Variants in SREBF2 observed in about 807,000 individuals in gnomAD.
SREBF2 encodes sterol regulatory element binding transcription factor 2.
In SREBF2, 55 loss-of-function variants were observed where a neutral mutation model predicts 113.1. The observed-to-expected ratio is 0.49, with a 90% CI of 0.39 to 0.61. SREBF2 has a LOEUF of 0.61. Ranked by LOEUF, SREBF2 falls within the 20% of genes least tolerant of loss-of-function variation. The pLI is 0.00. For synonymous variants in SREBF2, 593 were observed against 605.7 expected (o/e 0.98, Z 0.31); for missense variants, 1,349 against 1,487.4 (o/e 0.91, Z 1.53).
rs1406551200 is a variant in SREBF2, at chr22:41,878,488, G to A, written c.1761+365G>A. The stretch of plus-strand genomic sequence containing the variant: ...TGGCAGGTTCCAGGGTGTGTTGAGT[G>A]TAGGTTATGTCAGAGAGAGTTGAAG... On this transcript the variant is annotated intron_variant, in intron 9 of 18. Coordinates refer to ENST00000361204, the MANE Select transcript of SREBF2 (RefSeq NM_004599.4). Among the ~76,000 whole-genome samples the A allele has an allele frequency of 5.3e-5, 8 of 152,282 alleles. 1 individual carries two copies. In the East Asian group the frequency reaches 1.3e-3, roughly 26 times the overall value.
intron 15 of SREBF2, among the ~76,000 whole-genome samples, chr22:41,899,741 C>A (rs946814418): frequency 6.6e-6 from 1 of 152,172 alleles, no homozygotes; most frequent in East Asian, 1.9e-4. Flanking sequence ...GGTAAGTTGT[C>A]CAAAGTCACC....
intron 1 of SREBF2, among the ~76,000 whole-genome samples, chr22:41,858,962 T>A (rs1019785981): frequency 2.0e-5 from 3 of 151,644 alleles, no homozygotes; most frequent in Non-Finnish European, 4.4e-5. Context: ...ACCAACATGG[T>A]GAAACCCCGT....
Position 41,866,934 on chromosome 22 carries a change from C to CAGT in SREBF2, c.192_193insAGT (p.Ser64dup). ...GCAGTGGTGGTAGTGGTAGCAGCAG[C>CAGT]GGCAGCAGTGGCAGCAGCAGCAGCA... On this transcript the variant is annotated inframe_insertion, in exon 2 of 19. Transcript: ENST00000361204. The CAGT allele has an allele frequency of 6.2e-7, 1 of 1,613,386 alleles. No homozygotes were observed. Among genetic ancestry groups the CAGT allele is most frequent in the Non-Finnish European group, 8.5e-7 (1 of 1,179,892 alleles).
Position 41,880,775 on chromosome 22 carries a change from A to G in SREBF2, c.1821A>G (p.Ala607=), listed in dbSNP as rs753747422. 5 of 1,614,054 alleles carry G rather than the reference A, an allele frequency of 3.1e-6. No homozygotes were observed. The highest frequency in any genetic ancestry group is 3.3e-5 in the Admixed American group (2 of 59,998). ...CCTGCCTGGCAGTTTTGGGCCGGGC[A>G]CTGCCCACCTCCCGCCTGGACCTGG... ...LQTCLAVLGR[A]LPTSRLDLAC... The change falls in exon 10 of 19, where the codon GCA becomes GCG. Residue 607 remains alanine (A), a synonymous_variant. Coordinates refer to ENST00000361204, the MANE Select transcript of SREBF2 (RefSeq NM_004599.4).
Position 41,833,415 on chromosome 22 carries a change from G to T in SREBF2, c.88+57G>T. The T allele has an allele frequency of 6.8e-7, 1 of 1,462,374 alleles. No homozygotes were observed. Among genetic ancestry groups the T allele is most frequent in the African/African-American group, 1.5e-5 (1 of 68,882 alleles). 90.6% of individuals were successfully genotyped at this position (1,462,374 alleles called of 1,614,324 possible). A position where few individuals can be genotyped will look rare whatever the true frequency, so the allele number is the denominator to read the frequency against. On this transcript the variant is annotated intron_variant, in intron 1 of 18. Transcript: ENST00000361204. This position sits in a 1 kb window ranked among gnomAD's most constrained non-coding sequence, Gnocchi z 4.1. ...CGCGCGGGGAGGAAGGGGTTACGGC[G>T]GCGCGCCCGGGTGCGCGTGCGCCCA...
chr22:41,834,809 TG>T (rs2148332205), intron 1 of SREBF2: 1 of 152,214 alleles, frequency 6.6e-6, no homozygotes, highest in Non-Finnish European at 1.5e-5. Flanking sequence ...AAATGGGGGA[TG>T]GGGTAGGTGG....
chr22:41,890,113 G>C (rs554998882), intron 11 of SREBF2, among the ~76,000 whole-genome samples: 2 of 152,220 alleles, frequency 1.3e-5, no homozygotes, highest in Admixed American at 1.3e-4. Flanking sequence ...GCCTCACTCT[G>C]TTGCCCAGGC....
chr22:41,905,482 C>G lies in SREBF2; in HGVS notation c.3248C>G (p.Ala1083Gly). 3.2e-6 allele frequency: 5 copies of G among 1,580,756 alleles called. No individual in the cohort carries two copies. The highest frequency in any genetic ancestry group is 4.3e-6 in the Non-Finnish European group (5 of 1,164,012). The change falls in exon 19 of 19, where the codon GCC (alanine) becomes GGC (glycine). Residue 1083 changes from alanine to glycine, a missense_variant. Coordinates refer to ENST00000361204, the MANE Select transcript of SREBF2 (RefSeq NM_004599.4). ...AWPGQRERAT[A>G]ILLACRHLPL... ...CCCGGCCAGCGAGAGCGGGCCACCG[C>G]CATCCTGCTGGCCTGCCGCCACCTG... is the stretch of plus-strand genomic sequence containing the variant.
intron 1 of SREBF2, chr22:41,834,561 C>G (rs1489417578): frequency 6.6e-6 from 1 of 152,646 alleles, no homozygotes; most frequent in Non-Finnish European, 1.5e-5. Context: ...CCCCGTTGTG[C>G]AGATGAAGAA....
intron 16 of SREBF2, among the ~76,000 whole-genome samples, chr22:41,902,545 C>T (rs1183263938): frequency 1.3e-5 from 2 of 152,188 alleles, no homozygotes; most frequent in Admixed American, 1.3e-4. Context: ...GCCCCATCGA[C>T]AGGCTCTGCT....
chr22:41,861,353 G>T (rs1054717004), intron 1 of SREBF2, among the ~76,000 whole-genome samples: 3 of 152,028 alleles, frequency 2.0e-5, no homozygotes, highest in African/African-American at 7.3e-5. Flanking sequence ...ATGGTGGCAC[G>T]CACCTGTAAT....
At chr22:41,877,152 A>G (rs933763402) in intron 7 of SREBF2, 77 bp from the exon 8 acceptor site, 60 of 1,295,504 alleles carry the variant, frequency 4.6e-5, no homozygotes, top group Middle Eastern at 4.3e-4. Context: ...CCATTTCTCA[A>G]TATATATATA....
At chr22:41,873,663 C>T in intron 4 of SREBF2, 135 bp from the exon 5 acceptor site, 1 of 881,580 alleles carries the variant, frequency 1.1e-6, no homozygotes, top group Non-Finnish European at 1.8e-6. Context: ...TTTGATTAAC[C>T]CAGGAAGAGT....
chr22:41,843,600 T>C (rs1476403204), intron 1 of SREBF2, among the ~76,000 whole-genome samples: 4 of 152,214 alleles, frequency 2.6e-5, no homozygotes, highest in African/African-American at 9.6e-5. Context: ...CCCATGTATT[T>C]TTCCTCTGTC....
chr22:41,873,019 GA>G (rs1484384936), intron 4 of SREBF2, among the ~76,000 whole-genome samples: 2 of 152,056 alleles, frequency 1.3e-5, no homozygotes, highest in African/African-American at 2.4e-5. Flanking sequence ...CCAACATGGA[GA>G]AACCCCGTCT....
At chr22:41,873,631 C>T in intron 4 of SREBF2, 167 bp from the exon 5 acceptor site, 1 of 690,052 alleles carries the variant, frequency 1.4e-6, no homozygotes, top group South Asian at 1.7e-5. Flanking sequence ...TTCCGTGGCT[C>T]CTGAGACTTC....
rs1044340915 is a variant in SREBF2 at position 41,833,237 on chromosome 22, G to A, written c.-34G>A. 4 of 1,504,184 alleles carry A rather than the reference G, an allele frequency of 2.7e-6. No homozygotes were observed. Among genetic ancestry groups the A allele is most frequent in the Non-Finnish European group, 3.6e-6 (4 of 1,125,420 alleles). The allele number at this position is 1,504,184 out of a possible 1,614,324, so 93.2% of individuals were successfully genotyped here. On this transcript the variant is annotated 5_prime_UTR_variant, in exon 1 of 19. Transcript: ENST00000361204. The surrounding 1 kb of genome is among the most constrained non-coding windows in gnomAD (Gnocchi z 4.1). ...ACCGCCCCCGCGTCTCCCTGAGCGG[G>A]ACGGCAGGGGGGGCTTCTGCGCTGA...
intron 1 of SREBF2, among the ~76,000 whole-genome samples, chr22:41,845,918 A>G (rs1040039114): frequency 6.6e-6 from 1 of 152,190 alleles, no homozygotes; most frequent in Non-Finnish European, 1.5e-5. Flanking sequence ...TCCAACAGGA[A>G]CACCTAACTA....
At chr22:41,882,966 T>C (rs2148399045) in intron 10 of SREBF2, among the ~76,000 whole-genome samples, 1 of 152,030 alleles carries the variant, frequency 6.6e-6, no homozygotes, top group African/African-American at 2.4e-5. Context: ...AATTAGCTGG[T>C]TTTTGTGGTG....
Sources: allele counts gnomAD v4.1 joint callset (sites outside exome capture counted in the v4.1 genomes callset), GRCh38; gene constraint gnomAD v4.1.1; non-coding constraint Gnocchi (gnomAD v3.1); transcripts MANE v1.5; gene names NCBI Gene and HGNC (gene_info 2026-07-23, HGNC 2026-07-21).